ZFP36L1: variants seen among roughly 807,000 people sequenced by gnomAD.
The protein encoded by ZFP36L1 is ZFP36 like 1 zinc finger CCCH-type.
ZFP36L1 carries 4 observed loss-of-function variants against 16.7 expected under a neutral mutation model. That is an observed-to-expected ratio of 0.24 (90% CI 0.12 to 0.55). The LOEUF (loss-of-function observed/expected upper bound fraction) is 0.55. ZFP36L1 is among the 20% of genes least tolerant of loss of function. The probability of loss-of-function intolerance (pLI) is 0.94; values close to 1 mark genes in which losing one functional copy is unlikely to be tolerated. For synonymous variants in ZFP36L1, 220 were observed against 190.8 expected (o/e 1.15, Z -1.26); for missense variants, 311 against 449.2 (o/e 0.69, Z 2.78).
intron 1 of ZFP36L1, chr14:68,791,083 G>C: frequency 1.4e-6 from 1 of 701,674 alleles, no homozygotes; most frequent in Non-Finnish European, 2.6e-6. Context: ...GGAGATTGGG[G>C]GCCTGGTCTG....
upstream of ZFP36L1, chr14:68,794,122 T>G: frequency 3.4e-5 from 6 of 177,660 alleles, no homozygotes; most frequent in Middle Eastern, 2.9e-3. Flanking sequence ...CTCCGAATTC[T>G]GGGCGGCGCC....
chr14:68,792,868 C>T lies in ZFP36L1; in HGVS notation c.57+14G>A, dbSNP rs1895138754. ...AAAGACTTTTTGAAAAGCAAATGCT[C>T]CGCCCCCCTTTACCTTGCATAAAAC... On this transcript the variant is annotated intron_variant, in intron 1 of 1. Transcript: ENST00000439696. 6.2e-7 allele frequency: 1 copy of T among 1,614,064 alleles called. No individual in the cohort carries two copies. The highest frequency in any genetic ancestry group is 8.5e-7 in the Non-Finnish European group (1 of 1,179,976).
rs763117294 is a variant in ZFP36L1 at position 68,792,911 on chromosome 14, T to A, written c.28A>T (p.Ile10Phe). 6.2e-7 allele frequency: 1 copy of A among 1,614,040 alleles called. No homozygotes were observed. The highest frequency in any genetic ancestry group is 8.5e-7 in the Non-Finnish European group (1 of 1,179,978). Residue 10 changes from isoleucine (I) to phenylalanine (F), a missense_variant, in exon 1 of 2, where the codon ATC (isoleucine) becomes TTC (phenylalanine). Physicochemically the swap from Ile to Phe is conservative, Grantham distance 21. Around this residue, in one of 4 missense-constraint regions of ZFP36L1, gnomAD observed 137 missense variants for 142.6 expected, o/e 0.96. Coordinates refer to ENST00000439696, the MANE Select transcript of ZFP36L1 (RefSeq NM_004926.4). ...CATAAAACTTCGCTCAAGTCGAAGA[T>A]GGTGGCAGACACGAGGGTGGTGGTC... is the stretch of plus-strand genomic sequence containing the variant. MTTTLVSAT[I>F]FDLSEVLCKG... is the part of the protein sequence containing the mutation.
chr14:68,792,338 C>G (rs751556201), intron 1 of ZFP36L1, among the ~76,000 whole-genome samples: 1 of 152,246 alleles, frequency 6.6e-6, no homozygotes, highest in Admixed American at 6.5e-5. Context: ...TCAAGCCCCA[C>G]TGCAAACTTG....
At chr14:68,795,999 T>C, upstream of ZFP36L1, 1 of 1,319,434 alleles carries the variant, frequency 7.6e-7, no homozygotes, top group Non-Finnish European at 1.0e-6. Context: ...TGCGTGGCCG[T>C]CCCCCGCCAA....
chr14:68,795,959 C>T (rs1419449021), upstream of ZFP36L1: 1 of 1,305,814 alleles, frequency 7.7e-7, no homozygotes, highest in East Asian at 4.6e-5. Flanking sequence ...GGAGGGCGGC[C>T]CTACGGTGCA....
upstream of ZFP36L1, chr14:68,793,518 TGGGCAGGAAGGC>T: frequency 1.0e-6 from 1 of 985,998 alleles, no homozygotes; most frequent in Non-Finnish European, 1.2e-6. Flanking sequence ...TGTTTTTTGT[TGGGCAGGAAGGC>T]GGGCTCGACT....
chr14:68,795,703 T>A (rs1399789797), upstream of ZFP36L1: 1 of 493,766 alleles, frequency 2.0e-6, no homozygotes, highest in Non-Finnish European at 4.2e-6. Context: ...GCTCCCGAGT[T>A]GTTTACCGGC....
At chr14:68,793,977 T>G, upstream of ZFP36L1, 1 of 971,062 alleles carries the variant, frequency 1.0e-6, no homozygotes, top group African/African-American at 1.8e-5. Flanking sequence ...TTGTTTGTTT[T>G]ACCAGGCCTA....
At chr14:68,795,711 G>C (rs961030320), upstream of ZFP36L1, 31 of 500,452 alleles carry the variant, frequency 6.2e-5, no homozygotes, top group Admixed American at 6.5e-4. Flanking sequence ...GTTGTTTACC[G>C]GCCCCGCCGA....
At chr14:68,792,313 G>C (rs1895102313) in intron 1 of ZFP36L1, among the ~76,000 whole-genome samples, 1 of 152,040 alleles carries the variant, frequency 6.6e-6, no homozygotes, top group African/African-American at 2.4e-5. Flanking sequence ...GAAGCCCAAC[G>C]GAGCTAGGGC....
chr14:68,791,971 C>G (rs747856831), intron 1 of ZFP36L1, among the ~76,000 whole-genome samples: 2 of 152,262 alleles, frequency 1.3e-5, no homozygotes, highest in African/African-American at 2.4e-5. Flanking sequence ...AGCCCAGCAG[C>G]TTCACCCTTT....
Position 68,789,880 on chromosome 14 carries a change from T to G in ZFP36L1, c.670A>C (p.Thr224Pro). The G allele has an allele frequency of 6.2e-7, 1 of 1,610,404 alleles. No homozygotes were observed. The highest frequency in any genetic ancestry group is 1.1e-5 in the South Asian group (1 of 91,084). Residue 224 changes from threonine to proline, a missense_variant, in exon 2 of 2, where the codon ACG becomes CCG. Thr to Pro is a conservative substitution (Grantham distance 38). Transcript: ENST00000439696. This position sits in a 1 kb window ranked among gnomAD's most constrained non-coding sequence, Gnocchi z 4.5. ...AGAATAGGGGGTGGGGTGATGGACG[T>G]GGGGCTGTCCAGCAGCCCGGTGGCA... Reference protein sequence around the residue: ...AAATGLLDSPTSITPPPILSA... With the variant: ...AAATGLLDSPPSITPPPILSA...
chr14:68,790,124 G>A lies in ZFP36L1; in HGVS notation c.426C>T (p.His142=), dbSNP rs1345063597. The A allele has an allele frequency of 1.9e-6, 3 of 1,610,720 alleles. No individual in the cohort carries two copies. Among genetic ancestry groups the A allele is most frequent in the Non-Finnish European group, 2.5e-6 (3 of 1,177,864 alleles). ...GDKCQFAHGI[H]ELRSLTRHPK... ...GGTGGCGGGTCAGGCTGCGGAGCTCGTGGATGCCGTGTGCGAACTGGCACT... is the reference window on the plus strand; with the variant it reads ...GGTGGCGGGTCAGGCTGCGGAGCTCATGGATGCCGTGTGCGAACTGGCACT... The change falls in exon 2 of 2, where the codon CAC becomes CAT. Residue 142 remains histidine (H), a synonymous_variant. Coordinates refer to ENST00000439696, the MANE Select transcript of ZFP36L1 (RefSeq NM_004926.4).
upstream of ZFP36L1, among the ~76,000 whole-genome samples, chr14:68,795,459 C>T (rs1362289867): frequency 6.6e-6 from 1 of 152,234 alleles, no homozygotes; most frequent in Non-Finnish European, 1.5e-5. Context: ...GGCCCAGGGC[C>T]TGTCCCCGCG....
Position 68,792,906 on chromosome 14 carries a change from G to C in ZFP36L1, c.33C>G (p.Phe11Leu). The change falls in exon 1 of 2, where the codon TTC becomes TTG. Residue 11 changes from phenylalanine (F) to leucine (L), a missense_variant. Transcript: ENST00000439696. ...CCTTGCATAAAACTTCGCTCAAGTC[G>C]AAGATGGTGGCAGACACGAGGGTGG... Reference protein sequence around the residue: MTTTLVSATIFDLSEVLCKGN... With the variant: MTTTLVSATILDLSEVLCKGN... 1.2e-6 allele frequency: 2 copies of C among 1,614,096 alleles called. No homozygotes were observed. The highest frequency in any genetic ancestry group is 1.7e-6 in the Non-Finnish European group (2 of 1,179,998).
At chr14:68,796,148 A>T (rs768547372), upstream of ZFP36L1, 1 of 1,366,180 alleles carries the variant, frequency 7.3e-7, no homozygotes, top group Admixed American at 1.9e-5. Flanking sequence ...GGCCCTCCCC[A>T]TTCGCCTGGA....
At chr14:68,792,123 G>C (rs542909717) in intron 1 of ZFP36L1, among the ~76,000 whole-genome samples, 1 of 152,160 alleles carries the variant, frequency 6.6e-6, no homozygotes, top group Non-Finnish European at 1.5e-5. Flanking sequence ...GTTTTAAGGA[G>C]CCCCCCATTA....
chr14:68,793,286 A>C, upstream of ZFP36L1: 2 of 1,054,650 alleles, frequency 1.9e-6, no homozygotes, highest in Non-Finnish European at 2.3e-6. Flanking sequence ...AGAAGGCGGA[A>C]AAAAAAAACC....
Sources: allele counts gnomAD v4.1 joint callset (sites outside exome capture counted in the v4.1 genomes callset), GRCh38; gene constraint gnomAD v4.1.1; regional missense constraint gnomAD v4.1.1; non-coding constraint Gnocchi (gnomAD v3.1); transcripts MANE v1.5; gene names NCBI Gene and HGNC (gene_info 2026-07-23, HGNC 2026-07-21).